The following SLC25A16 variants were observed in gnomAD, a reference collection of about 807,000 sequenced individuals.
The protein encoded by SLC25A16 is mitochondrial coenzyme A transporter SLC25A16.
Under a neutral mutation model 41.5 loss-of-function variants are expected in SLC25A16, and 39 were observed. The observed-to-expected ratio is 0.94, with a 90% CI of 0.73 to 1.23. The LOEUF is 1.23. Ranked by LOEUF, SLC25A16 falls within the 50% of genes most tolerant of loss-of-function variation. SLC25A16 has a pLI of 0.00. For missense variants in SLC25A16, 421 were observed against 426.9 expected, an observed-to-expected ratio of 0.99 and a Z score of 0.12; for synonymous variants, 146 against 147.8, an observed-to-expected ratio of 0.99 and a Z score of 0.09.
chr10:68,512,354 T>TTCACTCC (rs1590119563), intron 2 of SLC25A16, among the ~76,000 whole-genome samples: 20,489 of 125,854 alleles, frequency 0.16, 2,924 homozygotes, highest in African/African-American at 0.27. Flanking sequence ...ATAAATGATA[T>TTCACTCC]TGGCCGGGCG....
At chr10:68,510,377 C>CAAA (rs768260993) in intron 2 of SLC25A16, among the ~76,000 whole-genome samples, 1 of 117,958 alleles carries the variant, frequency 8.5e-6, no homozygotes. Context: ...ACTAAAAATA[C>CAAA]AAAAAAAAAA....
chr10:68,524,181 G>T (rs1383734141), intron 1 of SLC25A16, among the ~76,000 whole-genome samples: 1 of 151,418 alleles, frequency 6.6e-6, no homozygotes, highest in Admixed American at 6.6e-5. Flanking sequence ...GTGGTGGCGG[G>T]CGCCTGTAGT....
At chr10:68,524,836 C>T (rs562355283) in intron 1 of SLC25A16, among the ~76,000 whole-genome samples, 1 of 151,270 alleles carries the variant, frequency 6.6e-6, no homozygotes, top group South Asian at 2.1e-4. Context: ...GAGATCGTGC[C>T]GCTGCACTCC....
At chr10:68,526,308 AT>A (rs1422212667) in intron 1 of SLC25A16, among the ~76,000 whole-genome samples, 1 of 152,170 alleles carries the variant, frequency 6.6e-6, no homozygotes, top group Non-Finnish European at 1.5e-5. Context: ...TGAGATGTTT[AT>A]GTGTATGCAT....
chr10:68,491,651 CAG>C (rs1465900042), intron 6 of SLC25A16, among the ~76,000 whole-genome samples: 2 of 152,146 alleles, frequency 1.3e-5, no homozygotes, highest in African/African-American at 4.8e-5. Flanking sequence ...AAAATCAAAA[CAG>C]AGTCACCATG....
rs561247756 is a variant in SLC25A16 at position 68,478,071 on chromosome 10, A to C, written c.*5361T>G. Reference sequence around the variant, plus strand: ...TGTTACAGTTTCATTTGAACAGTGTATTACTGTATTAAAGTATAGCATCAT... The same window carrying C: ...TGTTACAGTTTCATTTGAACAGTGTCTTACTGTATTAAAGTATAGCATCAT... On this transcript the variant is annotated 3_prime_UTR_variant, in exon 9 of 9. Coordinates refer to ENST00000609923, the MANE Select transcript of SLC25A16 (RefSeq NM_152707.4). 53 of 152,304 alleles carry C rather than the reference A, an allele frequency of 3.5e-4. No homozygotes were observed. Among genetic ancestry groups the C allele is most frequent in the African/African-American group, 1.2e-3 (48 of 41,584 alleles). 9.4% of individuals were successfully genotyped at this position (152,304 alleles called of 1,614,324 possible).
At chr10:68,489,946 T>C (rs972102392) in intron 6 of SLC25A16, among the ~76,000 whole-genome samples, 2 of 150,782 alleles carry the variant, frequency 1.3e-5, no homozygotes, top group Non-Finnish European at 2.9e-5. Flanking sequence ...GGATTTCTCT[T>C]ACCAAATATA....
At chr10:68,501,772 CAA>C (rs1356921471) in intron 4 of SLC25A16, among the ~76,000 whole-genome samples, 1 of 151,650 alleles carries the variant, frequency 6.6e-6, no homozygotes, top group African/African-American at 2.4e-5. Flanking sequence ...CTTTTTTTGG[CAA>C]AAAAGTTACG....
intron 1 of SLC25A16, chr10:68,517,369 GA>G: frequency 2.5e-6 from 1 of 399,592 alleles, no homozygotes; most frequent in Non-Finnish European, 3.4e-6. Flanking sequence ...TGCCACTGGG[GA>G]AAAGTATAGA....
intron 2 of SLC25A16, among the ~76,000 whole-genome samples, chr10:68,509,066 G>A (rs561015441): frequency 5.9e-5 from 9 of 152,182 alleles, no homozygotes; most frequent in East Asian, 1.9e-4. Flanking sequence ...GGCCGGGCGC[G>A]GTGGTTCATG....
At position 68,527,488 on chromosome 10, in the gene SLC25A16, T is replaced by C. The variant is rs901477747; in HGVS notation, c.-113A>G. The C allele has an allele frequency of 1.2e-5, 12 of 1,035,396 alleles. No individual in the cohort carries two copies. The highest frequency in any genetic ancestry group is 1.0e-4 in the African/African-American group (6 of 57,782). The allele number at this position is 1,035,396 out of a possible 1,614,324, so 64.1% of individuals were successfully genotyped here. A position where few individuals can be genotyped will look rare whatever the true frequency, so the allele number is the denominator to read the frequency against. On this transcript the variant is annotated 5_prime_UTR_variant, in exon 1 of 9. Transcript: ENST00000609923. ...TGACCGCCCCGCCGGCGGGGCAAAG[T>C]AACACCCGGCGGCGCGGCGCCGGCT... is the stretch of plus-strand genomic sequence containing the variant.
rs11815233 is a variant in SLC25A16, at chr10:68,481,899, T to C, written c.*1533A>G. On this transcript the variant is annotated 3_prime_UTR_variant, in exon 9 of 9. Coordinates refer to ENST00000609923, the MANE Select transcript of SLC25A16 (RefSeq NM_152707.4). ...GAATAAAGGCGTGAGCCACCACACC[T>C]GGCCTTCTAATGTCTTTAAAGTCAC... is the stretch of plus-strand genomic sequence containing the variant. 0.22 allele frequency: 32,956 copies of C among 152,152 alleles called. 4,427 individuals are homozygous for C. Among genetic ancestry groups the C allele is most frequent in the African/African-American group, 0.36 (15,128 of 41,500 alleles). 9.4% of individuals were successfully genotyped at this position (152,152 alleles called of 1,614,324 possible). A position where few individuals can be genotyped will look rare whatever the true frequency, so the allele number is the denominator to read the frequency against.
chr10:68,485,145 A>C (rs552904104), intron 8 of SLC25A16, among the ~76,000 whole-genome samples: 1 of 152,328 alleles, frequency 6.6e-6, no homozygotes, highest in African/African-American at 2.4e-5. Context: ...GCTGGAGTGC[A>C]GTAGCACGAT....
intron 6 of SLC25A16, among the ~76,000 whole-genome samples, chr10:68,491,016 A>G (rs901868459): frequency 3.9e-5 from 6 of 151,994 alleles, no homozygotes; most frequent in South Asian, 2.1e-4. Context: ...CAGCTTCTCA[A>G]GTAGCTGGGA....
chr10:68,506,312 G>A (rs891940213), intron 3 of SLC25A16, among the ~76,000 whole-genome samples: 4 of 152,022 alleles, frequency 2.6e-5, no homozygotes, highest in African/African-American at 9.7e-5. Flanking sequence ...AGGCATGGTG[G>A]CATAGGCCTG....
chr10:68,508,699 C>T (rs2053002894), intron 2 of SLC25A16, among the ~76,000 whole-genome samples: 1 of 151,454 alleles, frequency 6.6e-6, no homozygotes, highest in South Asian at 2.1e-4. Context: ...GCTTGGGCAA[C>T]AAGAGGGAAA....
At chr10:68,513,351 A>G (rs2795885) in intron 2 of SLC25A16, among the ~76,000 whole-genome samples, 140,077 of 148,648 alleles carry the variant, frequency 0.94, 66,068 homozygotes, top group East Asian at 1. Context: ...AGAGGATACC[A>G]TGAGCTGAGA....
chr10:68,487,521 A>G (rs1306410032), intron 7 of SLC25A16, among the ~76,000 whole-genome samples: 2 of 152,194 alleles, frequency 1.3e-5, no homozygotes, highest in Admixed American at 1.3e-4. Flanking sequence ...ATTGTTGAAC[A>G]CTAATATACA....
chr10:68,497,677 T>G (rs1377307922), intron 4 of SLC25A16, among the ~76,000 whole-genome samples: 2 of 151,422 alleles, frequency 1.3e-5, no homozygotes, highest in African/African-American at 2.4e-5. Context: ...AACGCTGTGA[T>G]GTGATCTCAG....
Sources: allele counts gnomAD v4.1 joint callset (sites outside exome capture counted in the v4.1 genomes callset), GRCh38; gene constraint gnomAD v4.1.1; transcripts MANE v1.5; gene names NCBI Gene and HGNC (gene_info 2026-07-23, HGNC 2026-07-21).